Variants in UBE2G2 observed in about 807,000 individuals in gnomAD.
The protein encoded by UBE2G2 is ubiquitin conjugating enzyme E2 G2, also known as ubiquitin-conjugating enzyme E2 G2.
In UBE2G2, 10 loss-of-function variants were observed where a neutral mutation model predicts 23.0. That is an observed-to-expected ratio of 0.43 (90% CI 0.27 to 0.74). The LOEUF is 0.74. Among genes scored for constraint, UBE2G2 ranks in the 30% least tolerant of loss-of-function variants. UBE2G2 has a pLI of 0.19. For synonymous variants in UBE2G2, 86 were observed against 81.3 expected, an observed-to-expected ratio of 1.06 and a Z score of -0.31; for missense variants, 150 against 218.3, an observed-to-expected ratio of 0.69 and a Z score of 1.97.
At chr21:44,792,473 T>C (rs2083053201) in intron 1 of UBE2G2, among the ~76,000 whole-genome samples, 1 of 152,174 alleles carries the variant, frequency 6.6e-6, no homozygotes, top group Non-Finnish European at 1.5e-5. Context: ...GATGGTTCTA[T>C]AAGTGTGTGG....
intron 1 of UBE2G2, 178 bp downstream of exon 1, chr21:44,801,528 G>T: frequency 2.7e-6 from 3 of 1,107,378 alleles, no homozygotes; most frequent in Non-Finnish European, 2.4e-6. Context: ...ACGACTTCAC[G>T]CGTGAGAGTG....
At chr21:44,776,013 G>A (rs1218287820) in intron 4 of UBE2G2, among the ~76,000 whole-genome samples, 4 of 152,038 alleles carry the variant, frequency 2.6e-5, no homozygotes, top group Non-Finnish European at 5.9e-5. Flanking sequence ...TCAGGCAGCC[G>A]CCCACTACCT....
At chr21:44,791,292 T>C (rs1197410453) in intron 1 of UBE2G2, among the ~76,000 whole-genome samples, 1 of 152,068 alleles carries the variant, frequency 6.6e-6, no homozygotes, top group East Asian at 1.9e-4. Context: ...GGTAAATGTC[T>C]CCAGAGCATG....
Position 44,771,376 on chromosome 21 carries a change from C to T in UBE2G2, c.*1G>A. 3 of 1,612,462 alleles carry T rather than the reference C, an allele frequency of 1.9e-6. No homozygotes were observed. The highest frequency in any genetic ancestry group is 2.5e-6 in the Non-Finnish European group (3 of 1,179,952). ...TGTGCGCGCCTGTGCGAGGCCAGGTCTCACAGTCCCAGAGACTTCTGGACG... is the reference window on the plus strand; with the variant it reads ...TGTGCGCGCCTGTGCGAGGCCAGGTTTCACAGTCCCAGAGACTTCTGGACG... On this transcript the variant is annotated 3_prime_UTR_variant, in exon 6 of 6. Coordinates refer to ENST00000345496, the MANE Select transcript of UBE2G2 (RefSeq NM_003343.6). This position sits in a 1 kb window ranked among gnomAD's most constrained non-coding sequence, Gnocchi z 4.6.
At chr21:44,800,980 C>A (rs376612751) in intron 1 of UBE2G2, 1 of 152,326 alleles carries the variant, frequency 6.6e-6, no homozygotes, top group South Asian at 2.1e-4. Flanking sequence ...TGAACTCAGG[C>A]CCTGCTCTTA....
At chr21:44,784,158 T>G (rs2082976840) in intron 3 of UBE2G2, among the ~76,000 whole-genome samples, 1 of 123,270 alleles carries the variant, frequency 8.1e-6, no homozygotes. Context: ...CATGTCTCCA[T>G]AAGAAAGGGA....
intron 3 of UBE2G2, among the ~76,000 whole-genome samples, chr21:44,786,956 G>T (rs1477666727): frequency 4.6e-5 from 7 of 152,140 alleles, no homozygotes; most frequent in Non-Finnish European, 8.8e-5. Context: ...GCCAGGCACG[G>T]TGGTGGGTAC....
chr21:44,777,518 G>A, intron 3 of UBE2G2, 101 bp from the exon 4 acceptor site: 1 of 1,232,534 alleles, frequency 8.1e-7, no homozygotes, highest in Non-Finnish European at 1.2e-6. Flanking sequence ...CTTTAAAAAT[G>A]CACGTGAGGC....
intron 1 of UBE2G2, among the ~76,000 whole-genome samples, chr21:44,793,520 G>T (rs235271): frequency 0.79 from 120,146 of 152,200 alleles, 48,055 homozygotes; most frequent in African/African-American, 0.92. Flanking sequence ...CAATAAAGAA[G>T]TGCAGCAAAT....
In UBE2G2 at chr21:44,801,688, C is replaced by G. The variant is rs1463951508; in HGVS notation, c.43+18G>C. On this transcript the variant is annotated intron_variant, in intron 1 of 5. Coordinates refer to ENST00000345496, the MANE Select transcript of UBE2G2 (RefSeq NM_003343.6). ...AGGAACGCGGGACGCTGCTGACGGC[C>G]CGGGTCCCCAGACTCACGTTTGTAC... 6.6e-7 allele frequency: 1 copy of G among 1,511,344 alleles called. No homozygotes were observed. The highest frequency in any genetic ancestry group is 8.8e-7 in the Non-Finnish European group (1 of 1,131,786). The allele number at this position is 1,511,344 out of a possible 1,614,324, so 93.6% of individuals were successfully genotyped here.
chr21:44,789,734 A>C (rs1555962699), intron 1 of UBE2G2, among the ~76,000 whole-genome samples: 1 of 152,154 alleles, frequency 6.6e-6, no homozygotes. Flanking sequence ...AGTCAACACG[A>C]ATGATGCTGT....
chr21:44,797,473 T>C (rs978410339), intron 1 of UBE2G2, among the ~76,000 whole-genome samples: 3 of 151,794 alleles, frequency 2.0e-5, no homozygotes, highest in Admixed American at 6.6e-5. Flanking sequence ...TCCCAGCACT[T>C]TGGGAGGCCG....
chr21:44,795,273 A>G (rs2083077632), intron 1 of UBE2G2, among the ~76,000 whole-genome samples: 1 of 151,866 alleles, frequency 6.6e-6, no homozygotes, highest in Admixed American at 6.6e-5. Context: ...ATAAAAAATA[A>G]AAAAAAATAA....
intron 3 of UBE2G2, among the ~76,000 whole-genome samples, chr21:44,780,759 T>A (rs1192756203): frequency 2.6e-5 from 4 of 152,250 alleles, no homozygotes; most frequent in Non-Finnish European, 1.5e-5. Flanking sequence ...CCTCCAGAGT[T>A]GTGACCATTC....
intron 3 of UBE2G2, among the ~76,000 whole-genome samples, chr21:44,779,892 G>A (rs979446787): frequency 1.1e-4 from 16 of 152,272 alleles, no homozygotes; most frequent in African/African-American, 3.6e-4. Flanking sequence ...TCAGAAGTCA[G>A]GCACATAAAG....
chr21:44,777,383 A>G lies in UBE2G2; in HGVS notation c.160T>C (p.Phe54Leu). The G allele has an allele frequency of 6.2e-7, 1 of 1,614,138 alleles. No individual in the cohort carries two copies. Among genetic ancestry groups the G allele is most frequent in the Non-Finnish European group, 8.5e-7 (1 of 1,180,030 alleles). The change falls in exon 4 of 6, where the codon TTT becomes CTT. Residue 54 changes from phenylalanine to leucine, a missense_variant. Phe to Leu is a conservative substitution (Grantham distance 22). Transcript: ENST00000345496. ...PEDTCFEFGV[F>L]PAILSFPLDY... ...AGTGGGAAACTCAGGATGGCAGGAA[A>G]AACACCAAACTCAAAGCAGGTGTCT... is the stretch of plus-strand genomic sequence containing the variant.
At chr21:44,798,355 G>A (rs1364234600) in intron 1 of UBE2G2, among the ~76,000 whole-genome samples, 5 of 152,150 alleles carry the variant, frequency 3.3e-5, no homozygotes, top group Non-Finnish European at 5.9e-5. Context: ...CTGAAAATAA[G>A]ACAACAATTA....
intron 1 of UBE2G2, among the ~76,000 whole-genome samples, chr21:44,792,948 G>C (rs1036035779): frequency 1.3e-5 from 2 of 152,240 alleles, no homozygotes; most frequent in African/African-American, 4.8e-5. Context: ...GGTGGGAACT[G>C]AATGTGAATG....
At chr21:44,780,607 G>A (rs923205333) in intron 3 of UBE2G2, among the ~76,000 whole-genome samples, 50 of 152,198 alleles carry the variant, frequency 3.3e-4, no homozygotes, top group Non-Finnish European at 1.2e-4. Flanking sequence ...CTCTACACAG[G>A]AGGCACGCTT....
Sources: allele counts gnomAD v4.1 joint callset (sites outside exome capture counted in the v4.1 genomes callset), GRCh38; gene constraint gnomAD v4.1.1; non-coding constraint Gnocchi (gnomAD v3.1); transcripts MANE v1.5; gene names NCBI Gene and HGNC (gene_info 2026-07-23, HGNC 2026-07-21).